HERC2: variants seen among roughly 807,000 people sequenced by gnomAD.
HERC2 encodes the protein E3 ubiquitin-protein ligase HERC2.
Under a neutral mutation model 537.7 loss-of-function variants are expected in HERC2, and 102 were observed. The observed-to-expected ratio is 0.19, with a 90% CI of 0.16 to 0.22. The LOEUF is 0.22. Among genes scored for constraint, HERC2 ranks in the 10% least tolerant of loss-of-function variants. HERC2 has a pLI of 1.00. For synonymous variants in HERC2, 2,224 were observed against 2,466.2 expected, an observed-to-expected ratio of 0.90 and a Z score of 2.91; for missense variants, 4,236 against 6,198.2, an observed-to-expected ratio of 0.68 and a Z score of 10.63.
At position 28,115,503 on chromosome 15, in the gene HERC2, G is replaced by A. The variant is rs1434697057; in HGVS notation, c.13648C>T (p.Leu4550=). Residue 4550 remains leucine, a synonymous_variant, in exon 89 of 93, where the codon CTG becomes TTG. Coordinates refer to ENST00000261609, the MANE Select transcript of HERC2 (RefSeq NM_004667.6). ...ACAGGCTCGGCAAGGTTGAGGCTCA[G>A]GGGACTCCCGGTTCGGATGGCAATG... ...LGIAIRTGSP[L]SLNLAEPVWK... is the part of the protein sequence containing the mutation. 9 of 1,613,878 alleles carry A rather than the reference G, an allele frequency of 5.6e-6. No homozygotes were observed. Among genetic ancestry groups the A allele is most frequent in the Non-Finnish European group, 7.6e-6 (9 of 1,179,986 alleles).
chr15:28,210,308 T>C (rs1899039211), intron 44 of HERC2, among the ~76,000 whole-genome samples: 1 of 152,152 alleles, frequency 6.6e-6, no homozygotes, highest in African/African-American at 2.4e-5. Flanking sequence ...TAATGTTTTG[T>C]ATTTTTAGTA....
chr15:28,128,169 C>A (rs954005818), intron 83 of HERC2, among the ~76,000 whole-genome samples: 3 of 152,160 alleles, frequency 2.0e-5, no homozygotes, highest in African/African-American at 7.2e-5. Flanking sequence ...CCCAGGAAGA[C>A]GAGGAAGTGA....
chr15:28,117,335 C>T, intron 86 of HERC2, 181 bp from the exon 87 acceptor site: 1 of 719,306 alleles, frequency 1.4e-6, no homozygotes, highest in Non-Finnish European at 2.5e-6. Flanking sequence ...CGACTGTGGA[C>T]ACCCGAGACC....
chr15:28,312,268 G>A (rs1238394963), intron 2 of HERC2, among the ~76,000 whole-genome samples: 386 of 147,598 alleles, frequency 2.6e-3, no homozygotes, highest in African/African-American at 9.7e-3. Context: ...CCAGATCACA[G>A]ACAGTACAGG....
rs1317773633 is a variant in HERC2, at chr15:28,169,659, T to C, written c.10058-4A>G. 1.9e-6 allele frequency: 3 copies of C among 1,597,918 alleles called. No homozygotes were observed. Among genetic ancestry groups the C allele is most frequent in the Non-Finnish European group, 2.6e-6 (3 of 1,173,870 alleles). ...GAATCAGCATCTGAAGGCACGCCTA[T>C]AAGAGGAAAATAAAATTTGCATTGT... is the stretch of plus-strand genomic sequence containing the variant. On this transcript the variant is annotated splice_region_variant and splice_polypyrimidine_tract_variant and intron_variant, in intron 65 of 92. Coordinates refer to ENST00000261609, the MANE Select transcript of HERC2 (RefSeq NM_004667.6).
chr15:28,117,453 C>A, intron 86 of HERC2: 1 of 661,896 alleles, frequency 1.5e-6, no homozygotes, highest in Non-Finnish European at 2.8e-6. Flanking sequence ...ACCACCACGT[C>A]CACAGCTGCG....
intron 65 of HERC2, among the ~76,000 whole-genome samples, chr15:28,170,799 C>T (rs1412021571): frequency 6.6e-6 from 1 of 150,720 alleles, no homozygotes; most frequent in East Asian, 1.9e-4. Flanking sequence ...ACTCTCTAAA[C>T]TCAACAGAAA....
intron 14 of HERC2, among the ~76,000 whole-genome samples, chr15:28,264,020 CAAA>C (rs34823980): frequency 0.031 from 2,575 of 83,784 alleles, 33 homozygotes; most frequent in African/African-American, 0.085. Flanking sequence ...CTTTGTCTTA[CAAA>C]AAAAAAAAAA....
chr15:28,266,042 A>T, intron 12 of HERC2, 68 bp from the exon 13 acceptor site: 1 of 1,543,664 alleles, frequency 6.5e-7, no homozygotes, highest in East Asian at 2.3e-5. Context: ...ATGTTAACAA[A>T]GGAAATTCAC....
In HERC2 at chr15:28,111,615, C is replaced by G; in HGVS notation, c.*148G>C. Reference sequence around the variant, plus strand: ...GACCTTCTCACTGTCATTCCCATCACGGCCAGTCAGTCTCTCCACTCCCTC... The same window carrying G: ...GACCTTCTCACTGTCATTCCCATCAGGGCCAGTCAGTCTCTCCACTCCCTC... On this transcript the variant is annotated 3_prime_UTR_variant, in exon 93 of 93. Coordinates refer to ENST00000261609, the MANE Select transcript of HERC2 (RefSeq NM_004667.6). 2.6e-6 allele frequency: 2 copies of G among 769,704 alleles called. No individual in the cohort carries two copies. The allele number at this position is 769,704 out of a possible 1,614,324, so 47.7% of individuals were successfully genotyped here.
At chr15:28,276,230 A>G (rs1004194667) in intron 5 of HERC2, among the ~76,000 whole-genome samples, 1 of 148,664 alleles carries the variant, frequency 6.7e-6, no homozygotes, top group Admixed American at 6.7e-5. Context: ...GGGTTGTTAT[A>G]GAAGGATCTC....
intron 65 of HERC2, 135 bp from the exon 66 acceptor site, chr15:28,169,790 C>T (rs1894508545): frequency 1.3e-6 from 1 of 744,776 alleles, no homozygotes; most frequent in Non-Finnish European, 2.1e-6. Flanking sequence ...ACCTATCAGG[C>T]TCATTAATAG....
chr15:28,309,772 G>GA (rs1491295389), intron 2 of HERC2, among the ~76,000 whole-genome samples: 1 of 152,052 alleles, frequency 6.6e-6, no homozygotes, highest in East Asian at 1.9e-4. Flanking sequence ...CAGAAACTGT[G>GA]AGAGTGTAAA....
chr15:28,113,329 G>C lies in HERC2; in HGVS notation c.14020-46C>G. On this transcript the variant is annotated intron_variant, in intron 91 of 92. Transcript: ENST00000261609. The surrounding 1 kb of genome is among the most constrained non-coding windows in gnomAD (Gnocchi z 7.0). ...GGGCCGCGTGATGCTTCCCACCCTGGCATTTCCGCAAGACTCCGTCACGCT... is the reference window on the plus strand; with the variant it reads ...GGGCCGCGTGATGCTTCCCACCCTGCCATTTCCGCAAGACTCCGTCACGCT... 6 of 1,575,336 alleles carry C rather than the reference G, an allele frequency of 3.8e-6. No individual in the cohort carries two copies. The highest frequency in any genetic ancestry group is 5.2e-6 in the Non-Finnish European group (6 of 1,146,220).
Position 28,213,779 on chromosome 15 carries a change from C to T in HERC2, c.6749G>A (p.Arg2250Gln), listed in dbSNP as rs376200931. ...ATTCAATGGGCAAACGCGACACGTC[C>T]GCATGTCAGAGAACTGCACGGTGAT... ...GKITVQFSDM[R>Q]TCRVCPLNQL... The change falls in exon 42 of 93, where the codon CGG becomes CAG. Residue 2250 changes from arginine (R) to glutamine (Q), a missense_variant. Transcript: ENST00000261609. 3.7e-6 allele frequency: 6 copies of T among 1,613,870 alleles called. No homozygotes were observed. The African/African-American group carries it at 5.3e-5, about 14-fold the overall frequency.
At chr15:28,239,904 A>T (rs1353924210) in intron 23 of HERC2, among the ~76,000 whole-genome samples, 1 of 152,236 alleles carries the variant, frequency 6.6e-6, no homozygotes, top group African/African-American at 2.4e-5. Context: ...ATGTCAAGCA[A>T]TGTCAACACA....
At chr15:28,316,997 G>C (rs577710729) in intron 2 of HERC2, among the ~76,000 whole-genome samples, 2 of 151,974 alleles carry the variant, frequency 1.3e-5, no homozygotes, top group Non-Finnish European at 2.9e-5. Context: ...GGATGACCTC[G>C]ATCTCCTGAC....
At chr15:28,253,839 G>A (rs1163937212) in intron 20 of HERC2, among the ~76,000 whole-genome samples, 1 of 151,992 alleles carries the variant, frequency 6.6e-6, no homozygotes, top group Non-Finnish European at 1.5e-5. Context: ...GCGGACGCCT[G>A]TAGTCCCAGC....
At chr15:28,136,981 A>T (rs1442489476) in intron 78 of HERC2, among the ~76,000 whole-genome samples, 1 of 151,820 alleles carries the variant, frequency 6.6e-6, no homozygotes, top group Non-Finnish European at 1.5e-5. Flanking sequence ...GTAAGCAAAG[A>T]TGTGCAACAT....
Sources: gnomAD v4.1 joint callset for allele counts (sites outside exome capture counted in the v4.1 genomes callset) on GRCh38, gnomAD v4.1.1 for gene constraint, Gnocchi (gnomAD v3.1) non-coding constraint, MANE v1.5 for transcripts, NCBI Gene and HGNC (gene_info 2026-07-23, HGNC 2026-07-21) for gene names.